Variants in FRMPD4 observed in about 807,000 individuals in gnomAD.
FRMPD4 encodes the protein FERM and PDZ domain-containing protein 4.
In FRMPD4, 22 loss-of-function variants were observed where a neutral mutation model predicts 94.1. The ratio of observed to expected loss-of-function variants is 0.23; its 90% confidence interval spans 0.17 to 0.33. FRMPD4 has a LOEUF of 0.33. Among genes scored for constraint, FRMPD4 ranks in the 10% least tolerant of loss-of-function variants. The pLI, the probability that FRMPD4 is intolerant of heterozygous loss-of-function variation, is 1.00. For synonymous variants in FRMPD4, 631 were observed against 548.6 expected, an observed-to-expected ratio of 1.15 and a Z score of -2.10; for missense variants, 1,111 against 1,339.9, an observed-to-expected ratio of 0.83 and a Z score of 2.67.
intron 1 of FRMPD4, among the ~76,000 whole-genome samples, chrX:12,275,826 G>C (rs1329514785): frequency 9.0e-6 from 1 of 111,496 alleles, no homozygotes; most frequent in Non-Finnish European, 1.9e-5. Flanking sequence ...GACAATGTTA[G>C]GGTGATCTGG....
chrX:12,429,909 G>A (rs1458130978), intron 1 of FRMPD4, among the ~76,000 whole-genome samples: 1 of 112,044 alleles, frequency 8.9e-6, no homozygotes, highest in African/African-American at 3.2e-5. Context: ...TCTGCCATGT[G>A]TGGACATAGC....
chrX:12,719,876 C>T (rs1389021296), intron 16 of FRMPD4, among the ~76,000 whole-genome samples: 2 of 110,831 alleles, frequency 1.8e-5, no homozygotes, highest in African/African-American at 6.6e-5. Context: ...GAACAACTGG[C>T]CCAGTGTTTC....
intron 5 of FRMPD4, among the ~76,000 whole-genome samples, chrX:12,678,929 A>G (rs2059932631): frequency 8.9e-6 from 1 of 112,707 alleles, no homozygotes; most frequent in Admixed American, 9.4e-5. Flanking sequence ...GAGCTAGCAT[A>G]ATTCACATTC....
intron 1 of FRMPD4, among the ~76,000 whole-genome samples, chrX:12,146,473 CAT>C (rs1342956008): frequency 1.9e-5 from 2 of 103,923 alleles, no homozygotes; most frequent in Non-Finnish European, 4.0e-5. Context: ...TATACACACA[CAT>C]ACAGAGACAC....
intron 3 of FRMPD4, among the ~76,000 whole-genome samples, chrX:12,086,401 A>G (rs1023968688): frequency 2.7e-5 from 3 of 112,358 alleles, no homozygotes; most frequent in Admixed American, 9.4e-5. Flanking sequence ...AATAACTCAA[A>G]GAACACATCT....
At chrX:12,300,951 G>C (rs1436157785) in intron 1 of FRMPD4, among the ~76,000 whole-genome samples, 15 of 111,887 alleles carry the variant, frequency 1.3e-4, no homozygotes, top group African/African-American at 4.2e-4. Flanking sequence ...CACATCTCCA[G>C]CTGACCTCAG....
At chrX:12,213,370 A>G (rs945144545) in intron 1 of FRMPD4, among the ~76,000 whole-genome samples, 1 of 112,472 alleles carries the variant, frequency 8.9e-6, no homozygotes, top group Non-Finnish European at 1.9e-5. Context: ...CTTAAAAATA[A>G]AATTATACAA....
intron 3 of FRMPD4, among the ~76,000 whole-genome samples, chrX:11,883,064 C>T (rs11797563): frequency 1.3e-4 from 14 of 111,812 alleles, no homozygotes; most frequent in South Asian, 3.8e-4. Context: ...TCTAGGCCTT[C>T]GGGATCCAAC....
intron 1 of FRMPD4, among the ~76,000 whole-genome samples, chrX:11,864,689 C>G (rs1426873258): frequency 1.8e-5 from 2 of 111,332 alleles, no homozygotes; most frequent in African/African-American, 6.5e-5. Flanking sequence ...TCTGCTTTCC[C>G]ACTAAGAACA....
intron 2 of FRMPD4, chrX:12,583,579 C>T (rs1330225537): frequency 2.6e-5 from 18 of 685,144 alleles, no homozygotes; most frequent in African/African-American, 4.3e-5. Flanking sequence ...GGCCTAACCG[C>T]ACCAGCTGAG....
intron 3 of FRMPD4, among the ~76,000 whole-genome samples, chrX:11,926,962 C>A (rs1415801055): frequency 9.0e-6 from 1 of 110,979 alleles, no homozygotes; most frequent in Non-Finnish European, 1.9e-5. Flanking sequence ...TCAAACTATC[C>A]CTGTTTGCAG....
Position 12,717,979 on chromosome X carries a change from G to A in FRMPD4, c.3153G>A (p.Gly1051=). ...NGNTTGKKQQ[G]TKTAEMEEEA... Reference sequence around the variant, plus strand: ...ACACAACAGGAAAAAAACAGCAGGGGACCAAAACGGCAGAGATGGAGGAGG... The same window carrying A: ...ACACAACAGGAAAAAAACAGCAGGGAACCAAAACGGCAGAGATGGAGGAGG... Residue 1051 remains glycine (G), a synonymous_variant, in exon 16 of 17, where the codon GGG becomes GGA. Coordinates refer to ENST00000675598, the MANE Select transcript of FRMPD4 (RefSeq NM_001368397.1). 6.6e-6 allele frequency: 8 copies of A among 1,211,918 alleles called. No individual in the cohort carries two copies. Among genetic ancestry groups the A allele is most frequent in the Non-Finnish European group, 8.9e-6 (8 of 895,364 alleles).
chrX:11,952,404 A>G (rs1391558857), intron 3 of FRMPD4, among the ~76,000 whole-genome samples: 1 of 112,101 alleles, frequency 8.9e-6, no homozygotes, highest in Non-Finnish European at 1.9e-5. Flanking sequence ...GAGGAAAGTC[A>G]TGTTTATCAG....
chrX:12,086,134 C>T (rs1264413912), intron 3 of FRMPD4, among the ~76,000 whole-genome samples: 1 of 108,317 alleles, frequency 9.2e-6, no homozygotes, highest in Non-Finnish European at 1.9e-5. Flanking sequence ...GGGATATATC[C>T]TGTGAGATTT....
intron 1 of FRMPD4, among the ~76,000 whole-genome samples, chrX:12,364,049 A>G (rs1400044755): frequency 8.9e-6 from 1 of 111,832 alleles, no homozygotes; most frequent in African/African-American, 3.3e-5. Flanking sequence ...TCAGAAACTT[A>G]TGTTTCCATA....
At chrX:12,377,786 T>A (rs778210007) in intron 1 of FRMPD4, among the ~76,000 whole-genome samples, 1 of 112,536 alleles carries the variant, frequency 8.9e-6, no homozygotes, top group Admixed American at 9.3e-5. Flanking sequence ...GGCAGTGAAA[T>A]GTAAGCTAGC....
chrX:12,010,167 A>G (rs1019424269), intron 3 of FRMPD4, among the ~76,000 whole-genome samples: 1 of 111,862 alleles, frequency 8.9e-6, no homozygotes, highest in Non-Finnish European at 1.9e-5. Flanking sequence ...TTGTGTGACC[A>G]TAGGCAAGTC....
intron 3 of FRMPD4, among the ~76,000 whole-genome samples, chrX:12,064,379 C>T (rs978862081): frequency 9.0e-6 from 1 of 111,589 alleles, no homozygotes; most frequent in Non-Finnish European, 1.9e-5. Flanking sequence ...TGAGAGAGTA[C>T]CATATCCCTG....
At chrX:11,849,808 C>T (rs181581281) in intron 1 of FRMPD4, among the ~76,000 whole-genome samples, 118 of 110,362 alleles carry the variant, frequency 1.1e-3, no homozygotes, top group Non-Finnish European at 1.8e-3. Flanking sequence ...AACATATGTG[C>T]TAAAACTATA....
Sources: gnomAD v4.1 joint callset for allele counts (sites outside exome capture counted in the v4.1 genomes callset) on GRCh38, gnomAD v4.1.1 for gene constraint, MANE v1.5 for transcripts, NCBI Gene and HGNC (gene_info 2026-07-23, HGNC 2026-07-21) for gene names.